LRP1B: variants seen among roughly 807,000 people sequenced by gnomAD.
The protein encoded by LRP1B is LDL receptor related protein 1B, also known as low-density lipoprotein receptor-related protein 1B.
LRP1B carries 217 observed loss-of-function variants against 556.6 expected under a neutral mutation model. The ratio of observed to expected loss-of-function variants is 0.39; its 90% confidence interval spans 0.35 to 0.44. The LOEUF is 0.44. Ranked by LOEUF, LRP1B falls within the 20% of genes least tolerant of loss-of-function variation. LRP1B has a pLI of 1.00. For missense variants in LRP1B, 5,053 were observed against 5,620.8 expected, an observed-to-expected ratio of 0.90 and a Z score of 3.23; for synonymous variants, 2,047 against 1,865.8, an observed-to-expected ratio of 1.10 and a Z score of -2.50.
intron 62 of LRP1B, among the ~76,000 whole-genome samples, chr2:140,453,264 A>G (rs1686956466): frequency 6.6e-6 from 1 of 151,952 alleles, no homozygotes; most frequent in Admixed American, 6.6e-5. Flanking sequence ...TGACTTTGAA[A>G]ATAACATTAA....
At chr2:141,464,582 T>TTGTG (rs1380420850) in intron 3 of LRP1B, among the ~76,000 whole-genome samples, 1 of 81,832 alleles carries the variant, frequency 1.2e-5, no homozygotes. Context: ...CTGGCTAATT[T>TTGTG]TGTATATATA....
intron 1 of LRP1B, among the ~76,000 whole-genome samples, chr2:141,971,137 G>A (rs1701721402): frequency 6.6e-6 from 1 of 151,462 alleles, no homozygotes; most frequent in South Asian, 2.1e-4. Context: ...GCAATACAAT[G>A]CAAGAATCAA....
rs569835855 is a variant in LRP1B at position 140,768,683 on chromosome 2, T to A, written c.5758+530A>T. ...TGCTTCCTGTTGCTTCCTTTCACTGTTTGCTAAAATATCAGAAGGTAAAGT... is the reference window on the plus strand; with the variant it reads ...TGCTTCCTGTTGCTTCCTTTCACTGATTGCTAAAATATCAGAAGGTAAAGT... On this transcript the variant is annotated intron_variant, in intron 35 of 90. Transcript: ENST00000389484. 5.3e-5 allele frequency among the ~76,000 whole-genome samples: 8 copies of A among 152,054 alleles called. No homozygotes were observed. In the East Asian group the frequency reaches 1.5e-3, roughly 29 times the overall value.
At chr2:141,574,119 A>C (rs183273399) in intron 2 of LRP1B, among the ~76,000 whole-genome samples, 1 of 152,306 alleles carries the variant, frequency 6.6e-6, no homozygotes, top group Non-Finnish European at 1.5e-5. Flanking sequence ...TCCTGATACC[A>C]AAACCAGGAA....
chr2:141,397,099 A>G (rs895797045), intron 3 of LRP1B, among the ~76,000 whole-genome samples: 4 of 102,696 alleles, frequency 3.9e-5, no homozygotes, highest in African/African-American at 1.3e-4. Flanking sequence ...GGCAACAAGA[A>G]GGAAACTTTG....
chr2:141,522,692 C>T (rs1684567476), intron 2 of LRP1B, among the ~76,000 whole-genome samples: 1 of 152,042 alleles, frequency 6.6e-6, no homozygotes, highest in South Asian at 2.1e-4. Context: ...AATATGTCAC[C>T]ATGAGGCCAT....
intron 35 of LRP1B, among the ~76,000 whole-genome samples, chr2:140,746,566 C>A (rs1284881002): frequency 6.6e-6 from 1 of 152,128 alleles, no homozygotes. Context: ...AGAAATGATG[C>A]AAGTTATGCT....
intron 1 of LRP1B, among the ~76,000 whole-genome samples, chr2:141,872,048 A>C (rs1698606270): frequency 6.6e-6 from 1 of 151,914 alleles, no homozygotes; most frequent in African/African-American, 2.4e-5. Context: ...TCAGAATAAG[A>C]CATGTCTCAA....
chr2:140,320,193 G>A (rs1351697892), intron 82 of LRP1B, among the ~76,000 whole-genome samples: 1 of 150,958 alleles, frequency 6.6e-6, no homozygotes, highest in Non-Finnish European at 1.5e-5. Context: ...TCTCCTAATA[G>A]TTTTAACTCT....
chr2:140,815,867 C>CT (rs36080198), intron 31 of LRP1B, among the ~76,000 whole-genome samples: 4,445 of 91,194 alleles, frequency 0.049, 95 homozygotes, highest in South Asian at 0.15. Context: ...TGTTGTCTCT[C>CT]TTTTTTTTTT....
At chr2:140,377,305 G>A (rs1683277945) in intron 68 of LRP1B, among the ~76,000 whole-genome samples, 2 of 152,108 alleles carry the variant, frequency 1.3e-5, no homozygotes, top group African/African-American at 4.8e-5. Flanking sequence ...TTGTCCTCCT[G>A]ACCTCGTGAT....
chr2:140,971,779 A>G (rs1696433786), intron 18 of LRP1B, among the ~76,000 whole-genome samples: 1 of 152,202 alleles, frequency 6.6e-6, no homozygotes, highest in Non-Finnish European at 1.5e-5. Context: ...GTTTGCAGTG[A>G]GCCGAGATGG....
rs368319253 is a variant in LRP1B at position 140,596,877 on chromosome 2, A to G, written c.7194+1754T>C. On this transcript the variant is annotated intron_variant, in intron 43 of 90. Transcript: ENST00000389484. ...GGGGAGGGCTATAAAAACATGAAATATAAAGTGCTTGGCACAGTATCTAGA... is the reference window on the plus strand; with the variant it reads ...GGGGAGGGCTATAAAAACATGAAATGTAAAGTGCTTGGCACAGTATCTAGA... Among the ~76,000 whole-genome samples the G allele has an allele frequency of 1.5e-4, 23 of 152,294 alleles. No individual in the cohort carries two copies. The East Asian group carries it at 4.1e-3, about 27-fold the overall frequency.
chr2:141,925,846 A>G (rs1007001872), intron 1 of LRP1B, among the ~76,000 whole-genome samples: 3 of 152,296 alleles, frequency 2.0e-5, no homozygotes, highest in African/African-American at 7.2e-5. Context: ...TTCTTGGTTT[A>G]AATTCCAGCC....
At chr2:140,924,168 C>T (rs1011372383) in intron 20 of LRP1B, among the ~76,000 whole-genome samples, 1 of 151,842 alleles carries the variant, frequency 6.6e-6, no homozygotes, top group Non-Finnish European at 1.5e-5. Context: ...GTGAATTTCT[C>T]ATTATTTATT....
intron 2 of LRP1B, among the ~76,000 whole-genome samples, chr2:141,650,925 T>C (rs192792088): frequency 6.6e-6 from 1 of 152,344 alleles, no homozygotes; most frequent in African/African-American, 2.4e-5. Context: ...ACATTCCAAC[T>C]ACACGGATGT....
chr2:140,566,907 C>T (rs1316290691), intron 43 of LRP1B, among the ~76,000 whole-genome samples: 1 of 152,126 alleles, frequency 6.6e-6, no homozygotes, highest in Non-Finnish European at 1.5e-5. Flanking sequence ...TGAAGGGATG[C>T]ACTACATCCC....
chr2:140,410,124 G>A (rs549886600), intron 66 of LRP1B, among the ~76,000 whole-genome samples: 1 of 152,002 alleles, frequency 6.6e-6, no homozygotes, highest in African/African-American at 2.4e-5. Context: ...GACAAGATTT[G>A]TTATTCCTGA....
intron 4 of LRP1B, among the ~76,000 whole-genome samples, chr2:141,249,245 A>G (rs386128): frequency 0.39 from 59,221 of 151,766 alleles, 11,570 homozygotes; most frequent in South Asian, 0.51. Flanking sequence ...GAGGAGATGA[A>G]AAAAATTTAG....
Sources: gnomAD v4.1 joint callset for allele counts (sites outside exome capture counted in the v4.1 genomes callset) on GRCh38, gnomAD v4.1.1 for gene constraint, MANE v1.5 for transcripts, NCBI Gene and HGNC (gene_info 2026-07-23, HGNC 2026-07-21) for gene names.